The following GLG1 variants were observed in gnomAD, a reference collection of about 807,000 sequenced individuals.
GLG1 encodes golgi glycoprotein 1.
Under a neutral mutation model 160.5 loss-of-function variants are expected in GLG1, and 38 were observed. That is an observed-to-expected ratio of 0.24 (90% CI 0.18 to 0.31). The LOEUF is 0.31. Ranked by LOEUF, GLG1 falls within the 10% of genes least tolerant of loss-of-function variation. The pLI is 1.00. For synonymous variants in GLG1, 644 were observed against 543.4 expected (o/e 1.19, Z -2.57); for missense variants, 1,373 against 1,505.2 (o/e 0.91, Z 1.45).
At chr16:74,591,582 C>T (rs1445869710) in intron 1 of GLG1, among the ~76,000 whole-genome samples, 1 of 151,918 alleles carries the variant, frequency 6.6e-6, no homozygotes, top group Admixed American at 6.6e-5. Flanking sequence ...GAGCCGAAAT[C>T]GCACCACTGC....
At chr16:74,549,507 T>C (rs1219418976) in intron 1 of GLG1, among the ~76,000 whole-genome samples, 3 of 152,220 alleles carry the variant, frequency 2.0e-5, no homozygotes, top group Non-Finnish European at 4.4e-5. Flanking sequence ...AGGATGGTCT[T>C]GATCTCCTGA....
In GLG1 at chr16:74,474,596, C is replaced by G. The variant is rs140352716; in HGVS notation, c.2002G>C (p.Val668Leu). The G allele has an allele frequency of 2.9e-5, 46 of 1,586,628 alleles. No individual in the cohort carries two copies. Among genetic ancestry groups the G allele is most frequent in the Non-Finnish European group, 3.4e-5 (39 of 1,155,064 alleles). ...CCAACTATATCTCTACACTCCACCA[C>G]CAAGTCATCCAGATGGTCCTGAAGG... The part of the protein sequence containing the change: ...ECLQDHLDDL[V>L]VECRDIVGNL... The change falls in exon 13 of 26, where the codon GTG becomes CTG. Residue 668 changes from valine (V) to leucine (L), a missense_variant. Around this residue, in one of 4 missense-constraint regions of GLG1, gnomAD observed 386 missense variants for 388.5 expected, o/e 0.99. Transcript: ENST00000422840.
intron 1 of GLG1, among the ~76,000 whole-genome samples, chr16:74,594,884 T>C (rs1255150444): frequency 6.6e-6 from 1 of 152,186 alleles, no homozygotes; most frequent in Non-Finnish European, 1.5e-5. Flanking sequence ...ATACTGCCTA[T>C]CAAATCAAAC....
intron 4 of GLG1, among the ~76,000 whole-genome samples, chr16:74,497,297 CA>C (rs2016227777): frequency 1.2e-5 from 1 of 81,942 alleles, no homozygotes; most frequent in Non-Finnish European, 3.2e-5. Context: ...AAAAAAAACA[CA>C]CACACACACA....
chr16:74,566,165 A>G (rs529936726), intron 1 of GLG1, among the ~76,000 whole-genome samples: 115 of 152,336 alleles, frequency 7.5e-4, no homozygotes, highest in African/African-American at 1.9e-3. Context: ...CACTTGGCCA[A>G]GGTTTCTCCA....
At chr16:74,501,796 C>A (rs2143447257) in intron 4 of GLG1, among the ~76,000 whole-genome samples, 1 of 152,348 alleles carries the variant, frequency 6.6e-6, no homozygotes, top group East Asian at 1.9e-4. Context: ...CCTGAATCAT[C>A]AGTGACTTAA....
rs371949279 is a variant in GLG1 at position 74,599,315 on chromosome 16, A to G, written c.438+7342T>C. Among the ~76,000 whole-genome samples, 6 of 152,300 alleles carry G rather than the reference A, an allele frequency of 3.9e-5. 1 individual carries two copies. In the East Asian group the frequency reaches 7.7e-4, roughly 20 times the overall value. ...TTTCGGTCAATACAGCCCCTTTAATAATTCCCCAAAGCATCTCCCCTTTCC... is the reference window on the plus strand; with the variant it reads ...TTTCGGTCAATACAGCCCCTTTAATGATTCCCCAAAGCATCTCCCCTTTCC... On this transcript the variant is annotated intron_variant, in intron 1 of 25. Coordinates refer to ENST00000422840, the MANE Select transcript of GLG1 (RefSeq NM_001145667.2).
At chr16:74,475,858 T>C (rs1426864498) in intron 12 of GLG1, among the ~76,000 whole-genome samples, 1 of 151,600 alleles carries the variant, frequency 6.6e-6, no homozygotes, top group Non-Finnish European at 1.5e-5. Context: ...CTTTTGGGAG[T>C]AAAATAAATG....
intron 2 of GLG1, among the ~76,000 whole-genome samples, chr16:74,528,115 G>A (rs1385918853): frequency 6.6e-6 from 1 of 151,910 alleles, no homozygotes; most frequent in East Asian, 1.9e-4. Flanking sequence ...TCGATCTCCT[G>A]ACCTAGTGAT....
intron 18 of GLG1, among the ~76,000 whole-genome samples, chr16:74,466,750 G>C (rs536203794): frequency 6.6e-6 from 1 of 152,310 alleles, no homozygotes; most frequent in East Asian, 1.9e-4. Flanking sequence ...AACAAAACTT[G>C]ATTGGTGGTC....
At chr16:74,473,094 A>G (rs1318935901) in intron 13 of GLG1, 1 of 152,860 alleles carries the variant, frequency 6.5e-6, no homozygotes, top group Non-Finnish European at 1.5e-5. Flanking sequence ...TTAAGACAAA[A>G]TGGTAGTTCC....
chr16:74,600,731 C>CAAAAAAAAAAAAAAAA (rs56122377), intron 1 of GLG1, among the ~76,000 whole-genome samples: 1 of 112,598 alleles, frequency 8.9e-6, no homozygotes, highest in Non-Finnish European at 1.8e-5. Context: ...GATTCCACCT[C>CAAAAAAAAAAAAAAAA]AAAAAAAAAA....
At chr16:74,578,571 T>G (rs1957866306) in intron 1 of GLG1, among the ~76,000 whole-genome samples, 1 of 152,244 alleles carries the variant, frequency 6.6e-6, no homozygotes, top group Admixed American at 6.5e-5. Flanking sequence ...GAACTAAGAC[T>G]GACTGTAGTC....
intron 1 of GLG1, among the ~76,000 whole-genome samples, chr16:74,582,238 C>T (rs1458394230): frequency 6.6e-6 from 1 of 152,144 alleles, no homozygotes; most frequent in Non-Finnish European, 1.5e-5. Flanking sequence ...GCAATCTCAG[C>T]TCACTGCAAC....
rs967654272 is a variant in GLG1, at chr16:74,494,187, A to C, written c.1050+573T>G. On this transcript the variant is annotated intron_variant, in intron 6 of 25. Transcript: ENST00000422840. ...AGACTCCACTCAAAAAAAAACAAAA[A>C]CAAAACAAAACAAAAACACCTAAAA... is the stretch of plus-strand genomic sequence containing the variant. 1.2e-4 allele frequency among the ~76,000 whole-genome samples: 18 copies of C among 151,692 alleles called. No individual in the cohort carries two copies. The East Asian group carries it at 2.7e-3, about 23-fold the overall frequency.
chr16:74,568,487 G>C (rs181501707), intron 1 of GLG1, among the ~76,000 whole-genome samples: 1 of 149,550 alleles, frequency 6.7e-6, no homozygotes, highest in Non-Finnish European at 1.5e-5. Context: ...GCATGATCTC[G>C]GCTCACTGGA....
chr16:74,466,546 C>T (rs559452349), intron 18 of GLG1, among the ~76,000 whole-genome samples: 2 of 152,180 alleles, frequency 1.3e-5, no homozygotes, highest in Non-Finnish European at 2.9e-5. Context: ...AGTTGAGGAA[C>T]ACTAATATCA....
chr16:74,481,779 T>C (rs2015606777), intron 10 of GLG1, among the ~76,000 whole-genome samples: 1 of 152,052 alleles, frequency 6.6e-6, no homozygotes, highest in Admixed American at 6.6e-5. Flanking sequence ...GCTCCTGGGC[T>C]CAAGTGAATC....
chr16:74,597,726 C>G (rs570159485), intron 1 of GLG1, among the ~76,000 whole-genome samples: 50 of 151,924 alleles, frequency 3.3e-4, no homozygotes, highest in Middle Eastern at 3.4e-3. Flanking sequence ...TGGTGGCGGG[C>G]GCCTGTAGTC....
Sources: allele counts gnomAD v4.1 joint callset (sites outside exome capture counted in the v4.1 genomes callset), GRCh38; gene constraint gnomAD v4.1.1; regional missense constraint gnomAD v4.1.1; transcripts MANE v1.5; gene names NCBI Gene and HGNC (gene_info 2026-07-23, HGNC 2026-07-21).